The following EIF3B variants were observed in gnomAD, a reference collection of about 807,000 sequenced individuals.
The protein encoded by EIF3B is eukaryotic translation initiation factor 3 subunit B.
In EIF3B, 10 loss-of-function variants were observed where a neutral mutation model predicts 104.6. The ratio of observed to expected loss-of-function variants is 0.10; its 90% CI spans 0.06 to 0.16. The LOEUF is 0.16. Ranked by LOEUF, EIF3B falls within the 10% of genes least tolerant of loss-of-function variation. The pLI is 1.00. For missense variants in EIF3B, 1,014 were observed against 1,087.9 expected (o/e 0.93, Z 0.96); for synonymous variants, 542 against 417.2 (o/e 1.30, Z -3.65).
Position 2,376,991 on chromosome 7 carries a change from C to G in EIF3B, c.2070C>G (p.Leu690=). The G allele has an allele frequency of 6.2e-7, 1 of 1,613,960 alleles. No homozygotes were observed. The highest frequency in any genetic ancestry group is 8.5e-7 in the Non-Finnish European group (1 of 1,180,032). The change falls in exon 15 of 19, where the codon CTC becomes CTG. Residue 690 remains leucine (L), a synonymous_variant. Coordinates refer to ENST00000360876, the MANE Select transcript of EIF3B (RefSeq NM_001037283.2). ...GGCTGTGGACTTTCCAGGGACGCCT[C>G]CTGCAGAAGAACAACAAGGACCGCT... The part of the protein sequence containing the change: ...AYWLWTFQGR[L]LQKNNKDRFC...
upstream of EIF3B, among the ~76,000 whole-genome samples, chr7:2,354,691 T>G (rs1779282170): frequency 6.6e-6 from 1 of 152,152 alleles, no homozygotes; most frequent in South Asian, 2.1e-4. Flanking sequence ...CACTTTCTTG[T>G]CACAAATATA....
chr7:2,360,985 C>A, intron 2 of EIF3B, 83 bp downstream of exon 2: 1 of 1,185,840 alleles, frequency 8.4e-7, no homozygotes, highest in Non-Finnish European at 1.2e-6. Flanking sequence ...CTTACTAACA[C>A]AGCTCCTGCC....
In EIF3B at chr7:2,370,309, T is replaced by C. The variant is rs1780259764; in HGVS notation, c.1614+627T>C. The stretch of plus-strand genomic sequence containing the variant: ...GGCCAACGTGGTGTGAAACCCCATC[T>C]CTACTAAAAGTACAATAATTAGCTG... On this transcript the variant is annotated intron_variant, in intron 10 of 18. Coordinates refer to ENST00000360876, the MANE Select transcript of EIF3B (RefSeq NM_001037283.2). Among the ~76,000 whole-genome samples the C allele has an allele frequency of 2.0e-5, 3 of 151,996 alleles. No individual in the cohort carries two copies. In the East Asian group the frequency reaches 5.9e-4, roughly 30 times the overall value.
intron 14 of EIF3B, chr7:2,376,444 G>C (rs1333743173): frequency 6.6e-6 from 1 of 152,464 alleles, no homozygotes; most frequent in Admixed American, 6.5e-5. Flanking sequence ...CTGAGTGCCA[G>C]TGAAGGCGCC....
intron 14 of EIF3B, 94 bp from the exon 15 acceptor site, chr7:2,376,856 C>A: frequency 6.6e-7 from 1 of 1,523,336 alleles, no homozygotes; most frequent in Non-Finnish European, 8.9e-7. Context: ...TCACACGTGT[C>A]CCCGATACCC....
chr7:2,354,907 G>T lies in EIF3B; in HGVS notation c.-15G>T. 1 of 1,187,690 alleles carries T rather than the reference G, an allele frequency of 8.4e-7. No homozygotes were observed. The highest frequency in any genetic ancestry group is 1.0e-6 in the Non-Finnish European group (1 of 958,474). 73.6% of individuals were successfully genotyped at this position (1,187,690 alleles called of 1,614,324 possible). On this transcript the variant is annotated 5_prime_UTR_variant, in exon 1 of 19. The change creates a new upstream start codon in the 5' untranslated region. Transcript: ENST00000360876. ...CGGCGGCCGCGGAGCCCTGCGAGTAGGCAGCGTTGGGCCCATGCAGGACGC... is the reference window on the plus strand; with the variant it reads ...CGGCGGCCGCGGAGCCCTGCGAGTATGCAGCGTTGGGCCCATGCAGGACGC...
chr7:2,374,359 C>A, intron 12 of EIF3B, 169 bp from the exon 13 acceptor site: 1 of 593,908 alleles, frequency 1.7e-6, no homozygotes, highest in Non-Finnish European at 3.0e-6. Context: ...TGGATCATGA[C>A]TTAGGGGGTA....
At position 2,375,329 on chromosome 7, in the gene EIF3B, A is replaced by G; in HGVS notation, c.1890-60A>G. On this transcript the variant is annotated intron_variant, in intron 13 of 18. Coordinates refer to ENST00000360876, the MANE Select transcript of EIF3B (RefSeq NM_001037283.2). ...ACCCCATGCCGCAGCACCTCTCAGG[A>G]GTGGGATGCCAGGAGGTATGCGTCT... is the stretch of plus-strand genomic sequence containing the variant. The G allele has an allele frequency of 2.5e-6, 4 of 1,604,682 alleles. No homozygotes were observed. In the South Asian group the frequency reaches 4.4e-5, roughly 18 times the overall value.
chr7:2,377,968 G>C (rs190451743), intron 15 of EIF3B: 8 of 42,644 alleles, frequency 1.9e-4, no homozygotes, highest in Admixed American at 3.5e-4. Context: ...GAATGACCCT[G>C]GGTGTCATGG....
intron 5 of EIF3B, 60 bp downstream of exon 5, chr7:2,363,820 T>C: frequency 6.4e-7 from 1 of 1,552,004 alleles, no homozygotes; most frequent in Non-Finnish European, 8.7e-7. Flanking sequence ...CTTAACAAAG[T>C]GGAACTTTGT....
chr7:2,359,873 G>A (rs759731626), intron 1 of EIF3B, among the ~76,000 whole-genome samples: 7 of 152,188 alleles, frequency 4.6e-5, no homozygotes, highest in African/African-American at 7.2e-5. Context: ...GGTGTCAGGC[G>A]TTGTGTTGAG....
At chr7:2,360,965 G>A (rs919883421) in intron 2 of EIF3B, 63 bp downstream of exon 2, 9 of 1,386,224 alleles carry the variant, frequency 6.5e-6, no homozygotes, top group Non-Finnish European at 8.0e-6. Flanking sequence ...AGGGAGTGTT[G>A]CAGGAGATCC....
intron 4 of EIF3B, 124 bp from the exon 5 acceptor site, chr7:2,363,508 G>C (rs1042031799): frequency 2.6e-5 from 22 of 859,382 alleles, no homozygotes; most frequent in Non-Finnish European, 3.5e-5. Context: ...CTTGACTTGA[G>C]GTTAGGGTGT....
Position 2,379,299 on chromosome 7 carries a change from T to C in EIF3B, c.2341+57T>C, listed in dbSNP as rs1471506755. On this transcript the variant is annotated intron_variant, in intron 17 of 18. Transcript: ENST00000360876. Reference sequence around the variant, plus strand: ...TGGCCCTTACGCTGCCCCTGGGCCCTGGTGCCCGCGGACTCCTGCGTTCCT... The same window carrying C: ...TGGCCCTTACGCTGCCCCTGGGCCCCGGTGCCCGCGGACTCCTGCGTTCCT... 4 of 1,563,826 alleles carry C rather than the reference T, an allele frequency of 2.6e-6. No individual in the cohort carries two copies. In the African/African-American group the frequency reaches 4.1e-5, roughly 16 times the overall value.
At chr7:2,371,725 C>G (rs1434152946) in intron 10 of EIF3B, 52 bp from the exon 11 acceptor site, 2 of 1,352,084 alleles carry the variant, frequency 1.5e-6, no homozygotes, top group Non-Finnish European at 2.1e-6. Flanking sequence ...TAAACCTTTT[C>G]TCATATTTTC....
chr7:2,355,377 C>T lies in EIF3B; in HGVS notation c.456C>T (p.Ser152=), dbSNP rs1356865737. The T allele has an allele frequency of 1.4e-5, 22 of 1,531,340 alleles. No homozygotes were observed. The highest frequency in any genetic ancestry group is 2.0e-5 in the Admixed American group (1 of 50,888). 94.9% of individuals were successfully genotyped at this position (1,531,340 alleles called of 1,614,324 possible). The part of the protein sequence containing the change: ...ALENGDADEP[S]FSDPEDFVDD... ...AGAACGGCGACGCGGACGAGCCCTCCTTCAGCGACCCCGAGGACTTCGTGG... is the reference window on the plus strand; with the variant it reads ...AGAACGGCGACGCGGACGAGCCCTCTTTCAGCGACCCCGAGGACTTCGTGG... The change falls in exon 1 of 19, where the codon TCC becomes TCT. Residue 152 remains serine (S), a synonymous_variant. Transcript: ENST00000360876.
At chr7:2,376,915 C>G (rs763105151) in intron 14 of EIF3B, 35 bp from the exon 15 acceptor site, 2 of 1,597,740 alleles carry the variant, frequency 1.3e-6, no homozygotes, top group East Asian at 2.3e-5. Context: ...CTCTCTGACC[C>G]CTCTGTGTCC....
intron 18 of EIF3B, 87 bp from the exon 19 acceptor site, chr7:2,380,117 C>T (rs1213999230): frequency 5.1e-5 from 16 of 316,828 alleles, no homozygotes; most frequent in Admixed American, 2.1e-4. Flanking sequence ...TCTTGCGGGA[C>T]TCAACGTCAG....
intron 1 of EIF3B, among the ~76,000 whole-genome samples, chr7:2,357,184 G>T (rs570120553): frequency 6.6e-6 from 1 of 152,280 alleles, no homozygotes; most frequent in East Asian, 1.9e-4. Context: ...CTAATACGTA[G>T]ATTACTTCTG....
Sources: allele counts gnomAD v4.1 joint callset (sites outside exome capture counted in the v4.1 genomes callset), GRCh38; gene constraint gnomAD v4.1.1; transcripts MANE v1.5; gene names NCBI Gene and HGNC (gene_info 2026-07-23, HGNC 2026-07-21).